Variants in PLA2G7 observed in about 807,000 individuals in gnomAD.
The protein encoded by PLA2G7 is phospholipase A2 group VII.
PLA2G7 carries 63 observed loss-of-function variants against 49.6 expected under a neutral mutation model. The ratio of observed to expected loss-of-function variants is 1.27; its 90% CI spans 1.04 to 1.57. The LOEUF (loss-of-function observed/expected upper bound fraction) is 1.57, where lower values mean the gene tolerates loss of function less well. Ranked by LOEUF, PLA2G7 falls within the 40% of genes most tolerant of loss-of-function variation. The pLI, the probability that PLA2G7 is intolerant of heterozygous loss-of-function variation, is 0.00. For synonymous variants in PLA2G7, 193 were observed against 169.9 expected (o/e 1.14, Z -1.06); for missense variants, 596 against 521.2 (o/e 1.14, Z -1.40).
At chr6:46,733,330 A>G (rs1765791483) in intron 1 of PLA2G7, among the ~76,000 whole-genome samples, 1 of 152,228 alleles carries the variant, frequency 6.6e-6, no homozygotes, top group Non-Finnish European at 1.5e-5. Context: ...TCTGAGGGAA[A>G]AGTCCTGCGG....
intron 4 of PLA2G7, among the ~76,000 whole-genome samples, chr6:46,715,652 T>A (rs1470800482): frequency 6.6e-6 from 1 of 152,266 alleles, no homozygotes; most frequent in Non-Finnish European, 1.5e-5. Flanking sequence ...GCTATGGAAG[T>A]GATTTATAAA....
intron 1 of PLA2G7, among the ~76,000 whole-genome samples, chr6:46,724,902 A>T (rs1165987642): frequency 6.6e-6 from 1 of 152,242 alleles, no homozygotes; most frequent in African/African-American, 2.4e-5. Context: ...CAGTCATTCA[A>T]TCAAAGGGTA....
At position 46,704,601 on chromosome 6, in the gene PLA2G7, T is replaced by C. The variant is rs1206607975; in HGVS notation, c.1285A>G (p.Ile429Val). Residue 429 changes from isoleucine (I) to valine (V), a missense_variant, in exon 12 of 12, where the codon ATC becomes GTC. Physicochemically the swap from Ile to Val is conservative, Grantham distance 29. Coordinates refer to ENST00000274793, the MANE Select transcript of PLA2G7 (RefSeq NM_005084.4). The part of the protein sequence containing the change: ...GTNINTTNQH[I>V]MLQNSSGIEK... ...ATTCCTGAAGAGTTCTGTAACATGA[T>C]GTGTTGATTGGTTGTGTTAATGTTG... 7 of 1,594,502 alleles carry C rather than the reference T, an allele frequency of 4.4e-6. No individual in the cohort carries two copies. The highest frequency in any genetic ancestry group is 6.0e-6 in the Non-Finnish European group (7 of 1,162,166).
chr6:46,720,657 G>A (rs1320375652), intron 2 of PLA2G7, among the ~76,000 whole-genome samples: 1 of 152,188 alleles, frequency 6.6e-6, no homozygotes, highest in African/African-American at 2.4e-5. Flanking sequence ...CAGATCAAAT[G>A]ACCACTCACA....
chr6:46,704,596 CATG>C lies in PLA2G7; in HGVS notation c.1287_1289del (p.Ile429del), dbSNP rs747065718. The C allele has an allele frequency of 3.1e-6, 5 of 1,594,772 alleles. No homozygotes were observed. In the Admixed American group the frequency reaches 5.0e-5, roughly 16 times the overall value. On this transcript the variant is annotated inframe_deletion, in exon 12 of 12. Transcript: ENST00000274793. ...TCTCTATTCCTGAAGAGTTCTGTAA[CATG>C]ATGTGTTGATTGGTTGTGTTAATGT...
At chr6:46,717,888 T>C (rs1432158998) in intron 2 of PLA2G7, among the ~76,000 whole-genome samples, 1 of 151,976 alleles carries the variant, frequency 6.6e-6, no homozygotes, top group African/African-American at 2.4e-5. Context: ...CAGCTAATTT[T>C]TGTATTTTTA....
intron 2 of PLA2G7, among the ~76,000 whole-genome samples, chr6:46,718,964 A>T (rs1482725855): frequency 6.6e-6 from 1 of 152,206 alleles, no homozygotes; most frequent in East Asian, 1.9e-4. Flanking sequence ...TAAACCCTTT[A>T]TCACATGCAG....
At chr6:46,707,134 C>G (rs983911886) in intron 10 of PLA2G7, among the ~76,000 whole-genome samples, 4 of 152,230 alleles carry the variant, frequency 2.6e-5, no homozygotes, top group African/African-American at 9.6e-5. Flanking sequence ...GAATTGCCAA[C>G]ACGTCATGGT....
At chr6:46,733,990 A>G (rs944028721) in intron 1 of PLA2G7, among the ~76,000 whole-genome samples, 1 of 152,158 alleles carries the variant, frequency 6.6e-6, no homozygotes, top group Admixed American at 6.6e-5. Context: ...GCTGCCATTT[A>G]TGAGCCATAC....
intron 10 of PLA2G7, among the ~76,000 whole-genome samples, chr6:46,706,969 T>C (rs1187824319): frequency 6.6e-6 from 1 of 152,202 alleles, no homozygotes; most frequent in South Asian, 2.1e-4. Flanking sequence ...GTTTATTGCC[T>C]ATACTCCATA....
At chr6:46,716,846 G>A in intron 3 of PLA2G7, 129 bp downstream of exon 3, 3 of 940,956 alleles carry the variant, frequency 3.2e-6, no homozygotes, top group Non-Finnish European at 5.2e-6. Flanking sequence ...GCCTTCATAT[G>A]AAACAATACA....
In PLA2G7 at chr6:46,712,337, C is replaced by G; in HGVS notation, c.471G>C (p.Arg157Ser). 1.9e-6 allele frequency: 3 copies of G among 1,608,994 alleles called. No homozygotes were observed. The African/African-American group carries it at 4.0e-5, about 21-fold the overall frequency. ...VVFSHGLGAFRTLYSAIGIDL... is the reference protein window; with the variant it reads ...VVFSHGLGAFSTLYSAIGIDL... ...CAATGCCAATAGCAGAATAAAGTGT[C>G]CTTCAAAACAAAAAGAGGGAAGAAT... Residue 157 changes from arginine to serine, a missense_variant and splice_region_variant, in exon 6 of 12, where the codon AGG becomes AGC. Physicochemically the swap from Arg to Ser is moderately radical, Grantham distance 110. Transcript: ENST00000274793.
Position 46,705,242 on chromosome 6 carries a change from T to G in PLA2G7, c.1100A>C (p.His367Pro). 6.2e-7 allele frequency: 1 copy of G among 1,608,458 alleles called. No individual in the cohort carries two copies. Among genetic ancestry groups the G allele is most frequent in the South Asian group, 1.1e-5 (1 of 90,978 alleles). Residue 367 changes from histidine to proline, a missense_variant, in exon 11 of 12, where the codon CAC (histidine) becomes CCC (proline). His to Pro is a moderately conservative substitution (Grantham distance 77). Coordinates refer to ENST00000274793, the MANE Select transcript of PLA2G7 (RefSeq NM_005084.4). ...FTFATGKIIG[H>P]MLKLKGDIDS... is the part of the protein sequence containing the mutation. The stretch of plus-strand genomic sequence containing the variant: ...TATGTCTCCCTTTAATTTGAGCATG[T>G]GTCCAATTATTTTGCCAGTTGCAAA...
At chr6:46,714,322 C>A in intron 5 of PLA2G7, 138 bp downstream of exon 5, 1 of 744,176 alleles carries the variant, frequency 1.3e-6, no homozygotes, top group Non-Finnish European at 2.5e-6. Context: ...TCAATAGACC[C>A]ACAGCCAATT....
chr6:46,723,512 T>C (rs1235097519), intron 1 of PLA2G7, among the ~76,000 whole-genome samples: 2 of 152,200 alleles, frequency 1.3e-5, no homozygotes, highest in East Asian at 3.8e-4. Context: ...TAGTATTGCA[T>C]AGATGCTTGT....
chr6:46,707,888 CA>C, intron 10 of PLA2G7, 102 bp downstream of exon 10: 1 of 715,154 alleles, frequency 1.4e-6, no homozygotes, highest in Admixed American at 2.3e-5. Flanking sequence ...AAAGTCTAAA[CA>C]ACCAATTCAG....
At chr6:46,717,928 G>A (rs1765272260) in intron 2 of PLA2G7, among the ~76,000 whole-genome samples, 1 of 152,072 alleles carries the variant, frequency 6.6e-6, no homozygotes, top group African/African-American at 2.4e-5. Flanking sequence ...ACGTTGGCCA[G>A]AATGGTCTTG....
At chr6:46,728,766 G>A (rs147084345) in intron 1 of PLA2G7, among the ~76,000 whole-genome samples, 17 of 152,296 alleles carry the variant, frequency 1.1e-4, no homozygotes, top group African/African-American at 4.1e-4. Flanking sequence ...AGAGTAACTG[G>A]ATCTGTTGAG....
At chr6:46,731,392 G>A (rs935551734) in intron 1 of PLA2G7, among the ~76,000 whole-genome samples, 2 of 152,162 alleles carry the variant, frequency 1.3e-5, no homozygotes, top group Admixed American at 1.3e-4. Context: ...TGCACTCACA[G>A]ATATCTGCAT....
Sources: allele counts gnomAD v4.1 joint callset (sites outside exome capture counted in the v4.1 genomes callset), GRCh38; gene constraint gnomAD v4.1.1; transcripts MANE v1.5; gene names NCBI Gene and HGNC (gene_info 2026-07-23, HGNC 2026-07-21).